The following CAMSAP2 variants were observed in gnomAD, a reference collection of about 807,000 sequenced individuals.
CAMSAP2 encodes the protein calmodulin regulated spectrin associated protein family member 2.
In CAMSAP2, 26 loss-of-function variants were observed where a neutral mutation model predicts 146.1. The observed-to-expected ratio is 0.18, with a 90% CI of 0.13 to 0.25. The LOEUF is 0.25. Among genes scored for constraint, CAMSAP2 ranks in the 10% least tolerant of loss-of-function variants. The pLI, the probability that CAMSAP2 is intolerant of heterozygous loss-of-function variation, is 1.00. For synonymous variants in CAMSAP2, 499 were observed against 596.6 expected (o/e 0.84, Z 2.38); for missense variants, 1,381 against 1,759.3 (o/e 0.78, Z 3.85).
rs373805279 is a variant in CAMSAP2 at position 200,853,111 on chromosome 1, T to G, written c.3603-164T>G. Among the ~76,000 whole-genome samples, 2 of 152,168 alleles carry G rather than the reference T, an allele frequency of 1.3e-5. No individual in the cohort carries two copies. The highest frequency in any genetic ancestry group is 4.1e-4 in the South Asian group (2 of 4,828). ...CCTCCTTTATTTACTTATTTATGCTTAATCCCATGTCTCAGCAGAATCGTC... is the reference window on the plus strand; with the variant it reads ...CCTCCTTTATTTACTTATTTATGCTGAATCCCATGTCTCAGCAGAATCGTC... On this transcript the variant is annotated intron_variant, in intron 12 of 16. Coordinates refer to ENST00000358823, the MANE Select transcript of CAMSAP2 (RefSeq NM_203459.4). The surrounding 1 kb of genome is among the most constrained non-coding windows in gnomAD (Gnocchi z 5.1).
At chr1:200,793,952 A>G (rs1665818914) in intron 2 of CAMSAP2, among the ~76,000 whole-genome samples, 1 of 152,214 alleles carries the variant, frequency 6.6e-6, no homozygotes, top group Non-Finnish European at 1.5e-5. Flanking sequence ...GGTAAGCAGA[A>G]ACAACTTATT....
chr1:200,839,701 A>C (rs1280239839), intron 6 of CAMSAP2, among the ~76,000 whole-genome samples: 1 of 152,148 alleles, frequency 6.6e-6, no homozygotes, highest in African/African-American at 2.4e-5. Flanking sequence ...GACTCAGGGA[A>C]AAAAGCAGGA....
At chr1:200,803,966 G>A (rs921072607) in intron 2 of CAMSAP2, among the ~76,000 whole-genome samples, 1 of 150,594 alleles carries the variant, frequency 6.6e-6, no homozygotes, top group African/African-American at 2.4e-5. Context: ...TTGCTCTGTT[G>A]CCCAGGCTGG....
chr1:200,739,979 A>C lies in CAMSAP2; in HGVS notation c.139+13A>C. 3.1e-6 allele frequency: 5 copies of C among 1,613,044 alleles called. No individual in the cohort carries two copies. Among genetic ancestry groups the C allele is most frequent in the Non-Finnish European group, 4.2e-6 (5 of 1,179,536 alleles). Reference sequence around the variant, plus strand: ...GCCTTTGGGACAGGTTAGTGGTGTCACCCTTTCCCTCCCCTCTTCCTCCTG... The same window carrying C: ...GCCTTTGGGACAGGTTAGTGGTGTCCCCCTTTCCCTCCCCTCTTCCTCCTG... On this transcript the variant is annotated intron_variant, in intron 1 of 16. Transcript: ENST00000358823. This position sits in a 1 kb window ranked among gnomAD's most constrained non-coding sequence, Gnocchi z 4.8.
intron 7 of CAMSAP2, among the ~76,000 whole-genome samples, chr1:200,844,214 T>C (rs1449109586): frequency 6.6e-6 from 1 of 152,064 alleles, no homozygotes; most frequent in Non-Finnish European, 1.5e-5. Context: ...TATGTTAGGC[T>C]TTTTCCCCCT....
At chr1:200,802,768 A>T (rs933282847) in intron 2 of CAMSAP2, among the ~76,000 whole-genome samples, 1 of 152,194 alleles carries the variant, frequency 6.6e-6, no homozygotes, top group African/African-American at 2.4e-5. Flanking sequence ...GAGGCTAAAA[A>T]TTTCTTATAA....
At chr1:200,854,236 C>A (rs1234913012) in intron 13 of CAMSAP2, among the ~76,000 whole-genome samples, 1 of 152,170 alleles carries the variant, frequency 6.6e-6, no homozygotes, top group East Asian at 1.9e-4. Context: ...CCTGCCTTGG[C>A]CTCCCAAAGT....
intron 11 of CAMSAP2, among the ~76,000 whole-genome samples, chr1:200,850,675 A>G (rs1437453283): frequency 2.0e-5 from 3 of 152,234 alleles, no homozygotes; most frequent in Admixed American, 6.5e-5. Context: ...GAAAATCATT[A>G]GTATAAAACA....
At chr1:200,795,897 G>A (rs536141127) in intron 2 of CAMSAP2, among the ~76,000 whole-genome samples, 1 of 152,206 alleles carries the variant, frequency 6.6e-6, no homozygotes, top group Non-Finnish European at 1.5e-5. Context: ...TGTGCTGATA[G>A]TCGCATGCTA....
rs1443134335 is a variant in CAMSAP2 at position 200,849,316 on chromosome 1, A to G, written c.2547A>G (p.Leu849=). The G allele has an allele frequency of 2.5e-6, 4 of 1,614,094 alleles. No individual in the cohort carries two copies. The highest frequency in any genetic ancestry group is 1.1e-5 in the South Asian group (1 of 91,084). The change falls in exon 11 of 17, where the codon CTA becomes CTG. Residue 849 remains leucine (L), a synonymous_variant. Transcript: ENST00000358823. This position sits in a 1 kb window ranked among gnomAD's most constrained non-coding sequence, Gnocchi z 6.3. ...ESMENPQAKW[L]KSPTTPIDPE... ...TGGAGAATCCTCAAGCCAAATGGCT[A>G]AAGTCTCCAACTACACCTATTGATC...
chr1:200,817,369 A>G (rs1436315804), intron 4 of CAMSAP2, among the ~76,000 whole-genome samples: 2 of 151,962 alleles, frequency 1.3e-5, no homozygotes, highest in Non-Finnish European at 2.9e-5. Flanking sequence ...AAAATCTCAA[A>G]CAGACTTTTA....
chr1:200,858,113 T>C lies in CAMSAP2; in HGVS notation c.*54T>C, dbSNP rs1571839800. 7.0e-6 allele frequency: 10 copies of C among 1,424,262 alleles called. No homozygotes were observed. Among genetic ancestry groups the C allele is most frequent in the African/African-American group, 1.4e-5 (1 of 69,584 alleles). The allele number at this position is 1,424,262 out of a possible 1,614,324, so 88.2% of individuals were successfully genotyped here. ...TCATGGTAAATTTGCACTTCATCTTTCCTGCCTATAGAAAATCTTTCTAAT... is the reference window on the plus strand; with the variant it reads ...TCATGGTAAATTTGCACTTCATCTTCCCTGCCTATAGAAAATCTTTCTAAT... On this transcript the variant is annotated 3_prime_UTR_variant, in exon 17 of 17. Transcript: ENST00000358823.
chr1:200,835,037 T>C (rs1253542880), intron 6 of CAMSAP2, among the ~76,000 whole-genome samples: 1 of 152,224 alleles, frequency 6.6e-6, no homozygotes. Flanking sequence ...GGGAATCATA[T>C]ACATGCTATA....
At chr1:200,800,866 C>A (rs927832735) in intron 2 of CAMSAP2, among the ~76,000 whole-genome samples, 1 of 152,016 alleles carries the variant, frequency 6.6e-6, no homozygotes, top group African/African-American at 2.4e-5. Flanking sequence ...CTGGTGGTGA[C>A]AAAAATCTCT....
intron 2 of CAMSAP2, among the ~76,000 whole-genome samples, chr1:200,795,172 C>T (rs1253795963): frequency 6.6e-6 from 1 of 152,118 alleles, no homozygotes; most frequent in Non-Finnish European, 1.5e-5. Flanking sequence ...ATTTTAAGAT[C>T]TTGAAGAATT....
At chr1:200,785,677 A>ACGGCACCCAGCCAATTTTGG (rs1244585619) in intron 2 of CAMSAP2, among the ~76,000 whole-genome samples, 4 of 149,746 alleles carry the variant, frequency 2.7e-5, no homozygotes, top group East Asian at 2.0e-4. Flanking sequence ...GGCGTGAGCC[A>ACGGCACCCAGCCAATTTTGG]TGTGCCTGGC....
intron 2 of CAMSAP2, among the ~76,000 whole-genome samples, chr1:200,795,962 G>A (rs555121566): frequency 6.6e-6 from 1 of 152,248 alleles, no homozygotes; most frequent in African/African-American, 2.4e-5. Context: ...TCTAACCAGG[G>A]AGGTCCAAAT....
intron 2 of CAMSAP2, among the ~76,000 whole-genome samples, chr1:200,778,393 T>C (rs1665339822): frequency 6.6e-6 from 1 of 152,192 alleles, no homozygotes; most frequent in Admixed American, 6.5e-5. Flanking sequence ...ATTAAGTGTT[T>C]TGGGGGAGGC....
intron 3 of CAMSAP2, among the ~76,000 whole-genome samples, chr1:200,812,247 C>T (rs1183200730): frequency 6.6e-6 from 1 of 151,936 alleles, no homozygotes; most frequent in Non-Finnish European, 1.5e-5. Flanking sequence ...GTATCTAGAC[C>T]AGCACAGTGT....
Sources: allele counts gnomAD v4.1 joint callset (sites outside exome capture counted in the v4.1 genomes callset), GRCh38; gene constraint gnomAD v4.1.1; non-coding constraint Gnocchi (gnomAD v3.1); transcripts MANE v1.5; gene names NCBI Gene and HGNC (gene_info 2026-07-23, HGNC 2026-07-21).